Variants in ADAMTS19 observed in about 807,000 individuals in gnomAD.
The protein encoded by ADAMTS19 is ADAM metallopeptidase with thrombospondin type 1 motif 19, also known as A disintegrin and metalloproteinase with thrombospondin motifs 19.
In ADAMTS19, 93 loss-of-function variants were observed where a neutral mutation model predicts 153.3. The observed-to-expected ratio is 0.61, with a 90% CI of 0.51 to 0.72. The LOEUF is 0.72. Among genes scored for constraint, ADAMTS19 ranks in the 30% least tolerant of loss-of-function variants. ADAMTS19 has a pLI of 0.00. For synonymous variants in ADAMTS19, 600 were observed against 556.6 expected, an observed-to-expected ratio of 1.08 and a Z score of -1.10; for missense variants, 1,482 against 1,552.1, an observed-to-expected ratio of 0.95 and a Z score of 0.76.
chr5:129,580,646 G>A (rs1006205036), intron 7 of ADAMTS19, among the ~76,000 whole-genome samples: 1 of 152,058 alleles, frequency 6.6e-6, no homozygotes, highest in African/African-American at 2.4e-5. Flanking sequence ...GCATGAAGGG[G>A]TGTTGAATTT....
chr5:129,678,849 ATAAC>A (rs1754666967), intron 16 of ADAMTS19, among the ~76,000 whole-genome samples: 1 of 151,702 alleles, frequency 6.6e-6, no homozygotes, highest in Non-Finnish European at 1.5e-5. Context: ...ATTAGCCTAA[ATAAC>A]TAGCAGGATT....
intron 8 of ADAMTS19, among the ~76,000 whole-genome samples, chr5:129,611,224 C>T (rs1162455675): frequency 1.3e-5 from 2 of 150,842 alleles, no homozygotes; most frequent in East Asian, 2.0e-4. Context: ...AAAATTTTCT[C>T]CCATTCTGTA....
chr5:129,710,535 C>A (rs1026307148), intron 21 of ADAMTS19, among the ~76,000 whole-genome samples: 8 of 152,148 alleles, frequency 5.3e-5, no homozygotes, highest in African/African-American at 1.9e-4. Flanking sequence ...ATCAAAACCC[C>A]AGTGTGATAC....
At chr5:129,509,294 C>G (rs1278443020) in intron 3 of ADAMTS19, 52 bp downstream of exon 3, 1 of 1,504,650 alleles carries the variant, frequency 6.6e-7, no homozygotes, top group Non-Finnish European at 9.0e-7. Flanking sequence ...TGTGAGATGA[C>G]TACTTTAAAA....
intron 2 of ADAMTS19, among the ~76,000 whole-genome samples, chr5:129,503,790 T>TGCACTCCAGCCTGGGTGACAGAGTG (rs1751182403): frequency 6.6e-6 from 1 of 151,914 alleles, no homozygotes; most frequent in African/African-American, 2.4e-5. Flanking sequence ...ATCATGCCAT[T>TGCACTCCAGCCTGGGTGACAGAGTG]GCACTCCAGC....
chr5:129,571,511 C>T lies in ADAMTS19; in HGVS notation c.1372+19604C>T, dbSNP rs77590223. 4.5e-3 allele frequency among the ~76,000 whole-genome samples: 675 copies of T among 151,352 alleles called. 5 individuals are homozygous for T. The highest frequency in any genetic ancestry group is 0.026 in the East Asian group (131 of 5,136). ...CTGTATACTAGGATCTACAAAATGC[C>T]GATGGGAGCAATAAAAGATCTAAAT... On this transcript the variant is annotated intron_variant, in intron 7 of 22. Coordinates refer to ENST00000274487, the MANE Select transcript of ADAMTS19 (RefSeq NM_133638.6).
Position 129,701,510 on chromosome 5 carries a change from GC to G in ADAMTS19, c.3078del (p.Cys1026Ter). Reference sequence around the variant, plus strand: ...CTGATTAGAGCCCGAGAGAGGGACTGCATTGGGCCCAAGCCCGCCTCTGCCC... The same window carrying G: ...CTGATTAGAGCCCGAGAGAGGGACTGATTGGGCCCAAGCCCGCCTCTGCCC... The part of the protein sequence containing the change: ...GTLIRARERD[C>X]IGPKPASAQR... On this transcript the variant is annotated frameshift_variant, in exon 20 of 23. Coordinates refer to ENST00000274487, the MANE Select transcript of ADAMTS19 (RefSeq NM_133638.6). LOFTEE classifies it high-confidence loss of function. 6.2e-7 allele frequency: 1 copy of G among 1,614,194 alleles called. No individual in the cohort carries two copies. The highest frequency in any genetic ancestry group is 8.5e-7 in the Non-Finnish European group (1 of 1,180,028).
chr5:129,550,998 A>T (rs750100926), intron 6 of ADAMTS19, among the ~76,000 whole-genome samples: 2 of 151,790 alleles, frequency 1.3e-5, no homozygotes, highest in South Asian at 4.1e-4. Flanking sequence ...ATATGTGTTA[A>T]TTCATGTCCC....
Position 129,633,427 on chromosome 5 carries a change from C to A in ADAMTS19, c.1771-8432C>A, listed in dbSNP as rs189468209. 7.7e-4 allele frequency among the ~76,000 whole-genome samples: 117 copies of A among 152,228 alleles called. No homozygotes were observed. In the Middle Eastern group the frequency reaches 0.01, roughly 13 times the overall value. ...TCTACATAGCCAGTAATTTTTACTT[C>A]TATACTAGAAATGTTGTTGTTATAT... is the stretch of plus-strand genomic sequence containing the variant. On this transcript the variant is annotated intron_variant, in intron 10 of 22. Coordinates refer to ENST00000274487, the MANE Select transcript of ADAMTS19 (RefSeq NM_133638.6).
rs1168272994 is a variant in ADAMTS19, at chr5:129,559,390, T to TA, written c.1372+7492dup. Among the ~76,000 whole-genome samples, 7 of 150,956 alleles carry TA rather than the reference T, an allele frequency of 4.6e-5. No homozygotes were observed. The East Asian group carries it at 9.7e-4, about 21-fold the overall frequency. On this transcript the variant is annotated intron_variant, in intron 7 of 22. Transcript: ENST00000274487. ...GGAAGATAATACATCAAGGGTGAAT[T>TA]AAAAAAAAATAAAATGGTAAGATGC...
At chr5:129,729,355 A>T (rs971223283) in intron 21 of ADAMTS19, among the ~76,000 whole-genome samples, 1 of 151,832 alleles carries the variant, frequency 6.6e-6, no homozygotes, top group Admixed American at 6.6e-5. Context: ...ATAACTTGGG[A>T]TTTCAATTGT....
intron 16 of ADAMTS19, among the ~76,000 whole-genome samples, chr5:129,669,317 T>C (rs1478323375): frequency 1.3e-5 from 2 of 152,108 alleles, no homozygotes; most frequent in Non-Finnish European, 2.9e-5. Flanking sequence ...TTATGATTTC[T>C]CTTTCTTCAT....
At chr5:129,640,347 AAAGT>A (rs1174473897) in intron 10 of ADAMTS19, among the ~76,000 whole-genome samples, 4 of 152,188 alleles carry the variant, frequency 2.6e-5, no homozygotes, top group African/African-American at 9.6e-5. Context: ...GATTTGCAAC[AAAGT>A]AAGTATTAGG....
chr5:129,736,945 A>G, intron 22 of ADAMTS19, 122 bp from the exon 23 acceptor site: 4 of 882,366 alleles, frequency 4.5e-6, no homozygotes, highest in Non-Finnish European at 6.3e-6. Flanking sequence ...TAAATTCCAG[A>G]AGGTAATATA....
rs76703658 is a variant in ADAMTS19, at chr5:129,692,653, C to T, written c.2819-2067C>T. Among the ~76,000 whole-genome samples the T allele has an allele frequency of 3.5e-4, 54 of 152,328 alleles. No individual in the cohort carries two copies. In the East Asian group the frequency reaches 0.01, roughly 29 times the overall value. ...ATAAAGTCTTCAGCCAAGGGGACTG[C>T]AATCCAGTCCATGTTCCATTTGCCA... On this transcript the variant is annotated intron_variant, in intron 18 of 22. Coordinates refer to ENST00000274487, the MANE Select transcript of ADAMTS19 (RefSeq NM_133638.6).
chr5:129,502,404 T>C (rs1199194053), intron 2 of ADAMTS19, among the ~76,000 whole-genome samples: 3 of 152,174 alleles, frequency 2.0e-5, no homozygotes, highest in African/African-American at 7.2e-5. Context: ...AAGCCTACAC[T>C]CTAGGCCTGA....
intron 21 of ADAMTS19, among the ~76,000 whole-genome samples, chr5:129,706,083 A>C (rs1346261514): frequency 6.6e-6 from 1 of 152,214 alleles, no homozygotes; most frequent in African/African-American, 2.4e-5. Flanking sequence ...ATAAGGAAGA[A>C]GAAAAAGTAC....
intron 19 of ADAMTS19, among the ~76,000 whole-genome samples, chr5:129,699,051 G>C (rs1755701564): frequency 6.6e-6 from 1 of 152,182 alleles, no homozygotes; most frequent in South Asian, 2.1e-4. Context: ...ATCATTGCTA[G>C]GAATACTTGG....
intron 7 of ADAMTS19, among the ~76,000 whole-genome samples, chr5:129,586,502 A>G (rs1749807254): frequency 6.6e-6 from 1 of 152,172 alleles, no homozygotes. Context: ...CCATGGCTTG[A>G]TAGCTCATTT....
Sources: allele counts gnomAD v4.1 joint callset (sites outside exome capture counted in the v4.1 genomes callset), GRCh38; gene constraint gnomAD v4.1.1; transcripts MANE v1.5; gene names NCBI Gene and HGNC (gene_info 2026-07-23, HGNC 2026-07-21).